The following SLC19A3 variants were observed in gnomAD, a reference collection of about 807,000 sequenced individuals.
The protein encoded by SLC19A3 is thiamine transporter 2.
SLC19A3 carries 31 observed loss-of-function variants against 40.2 expected under a neutral mutation model. That is an observed-to-expected ratio of 0.77 (90% CI 0.58 to 1.04). The LOEUF (loss-of-function observed/expected upper bound fraction) is 1.04, where lower values mean the gene tolerates loss of function less well. SLC19A3 is among the 50% of genes least tolerant of loss of function. The pLI is 0.00. For synonymous variants in SLC19A3, 212 were observed against 227.5 expected, an observed-to-expected ratio of 0.93 and a Z score of 0.61; for missense variants, 592 against 596.7, an observed-to-expected ratio of 0.99 and a Z score of 0.08.
rs1695764967 is a variant in SLC19A3 at position 227,703,023 on chromosome 2, C to T, written c.-2-703G>A. The T allele has an allele frequency of 6.6e-6, 1 of 152,506 alleles. No homozygotes were observed. Among genetic ancestry groups the T allele is most frequent in the Admixed American group, 6.5e-5 (1 of 15,296 alleles). 9.4% of individuals were successfully genotyped at this position (152,506 alleles called of 1,614,324 possible). On this transcript the variant is annotated intron_variant, in intron 1 of 5. Coordinates refer to ENST00000644224, the MANE Select transcript of SLC19A3 (RefSeq NM_025243.4). The surrounding 1 kb of genome is among the most constrained non-coding windows in gnomAD (Gnocchi z 4.7). ...ATATGGAAGATCCAAGATGCCCAAACACTGGCTTCAAACCACATGATCAAG... is the reference window on the plus strand; with the variant it reads ...ATATGGAAGATCCAAGATGCCCAAATACTGGCTTCAAACCACATGATCAAG...
chr2:227,713,159 C>CT, intron 1 of SLC19A3, among the ~76,000 whole-genome samples: 2 of 152,164 alleles, frequency 1.3e-5, no homozygotes, highest in Middle Eastern at 6.8e-3. Context: ...AATCCCAGCA[C>CT]TTTGAGAGGC....
At chr2:227,692,810 ACT>A (rs1353416700) in intron 4 of SLC19A3, among the ~76,000 whole-genome samples, 1 of 152,134 alleles carries the variant, frequency 6.6e-6, no homozygotes, top group Non-Finnish European at 1.5e-5. Flanking sequence ...AAACTTAAAG[ACT>A]CTTACCAATA....
intron 4 of SLC19A3, among the ~76,000 whole-genome samples, chr2:227,690,814 A>G (rs1695198690): frequency 6.6e-6 from 1 of 151,936 alleles, no homozygotes; most frequent in South Asian, 2.1e-4. Flanking sequence ...AATCCAATAC[A>G]GTAATAGTTG....
In SLC19A3 at chr2:227,699,195, C is replaced by T. The variant is rs59736804; in HGVS notation, c.520G>A (p.Val174Ile). Residue 174 changes from valine (V) to isoleucine (I), a missense_variant, in exon 3 of 6, where the codon GTC becomes ATC. Val to Ile is a conservative substitution (Grantham distance 29, BLOSUM62 3). Coordinates refer to ENST00000644224, the MANE Select transcript of SLC19A3 (RefSeq NM_025243.4). ...ACGGAGACAGAGGCCAAGGATATGACGTTGAGGTAAAAGTACGACATGTTC... is the reference window on the plus strand; with the variant it reads ...ACGGAGACAGAGGCCAAGGATATGATGTTGAGGTAAAAGTACGACATGTTC... Reference protein sequence around the residue: ...LANMSYFYLNVISLASVSVAF... With the variant: ...LANMSYFYLNIISLASVSVAF... The T allele has an allele frequency of 5.6e-3, 8,999 of 1,614,040 alleles. 450 individuals carry two copies. In the African/African-American group the frequency reaches 0.11, roughly 19 times the overall value.
chr2:227,691,603 C>A (rs1392579952), intron 4 of SLC19A3, among the ~76,000 whole-genome samples: 1 of 151,750 alleles, frequency 6.6e-6, no homozygotes, highest in Non-Finnish European at 1.5e-5. Context: ...CATAGTAAGA[C>A]CCTGTCTCTT....
In SLC19A3 at chr2:227,713,802, AAAAC is replaced by A. The variant is rs1696231897; in HGVS notation, c.-3+4137_-3+4140del. 3.9e-5 allele frequency among the ~76,000 whole-genome samples: 6 copies of A among 152,182 alleles called. No homozygotes were observed. The South Asian group carries it at 1.2e-3, about 32-fold the overall frequency. ...ACTTCAACAAAGATGATTTGAAAAAAAAACAACAAAACAAATCACTGATACACGG... is the reference window on the plus strand; with the variant it reads ...ACTTCAACAAAGATGATTTGAAAAAAAACAAAACAAATCACTGATACACGG... On this transcript the variant is annotated intron_variant, in intron 1 of 5. Transcript: ENST00000644224.
intron 1 of SLC19A3, among the ~76,000 whole-genome samples, chr2:227,711,422 A>AAAAATAAAAT (rs10634783): frequency 0.018 from 2,575 of 143,710 alleles, 38 homozygotes; most frequent in Middle Eastern, 0.043. Context: ...TCTGTCTCAA[A>AAAAATAAAAT]AAAATAAAAT....
intron 4 of SLC19A3, among the ~76,000 whole-genome samples, chr2:227,694,470 T>C (rs2106324688): frequency 6.6e-6 from 1 of 152,334 alleles, no homozygotes; most frequent in South Asian, 2.1e-4. Context: ...GATGATTTTT[T>C]CCCAGAGTGC....
rs1353654296 is a variant in SLC19A3, at chr2:227,686,138, A to T, written c.*1259T>A. On this transcript the variant is annotated 3_prime_UTR_variant, in exon 6 of 6. Transcript: ENST00000644224. ...CTTGAACTCAGGAGGTGAAGTTTGC[A>T]GTGAGCCAAGATCACGCCATTGCAT... 6.7e-6 allele frequency: 3 copies of T among 449,198 alleles called. No homozygotes were observed. The highest frequency in any genetic ancestry group is 4.0e-5 in the African/African-American group (2 of 49,718). 27.8% of individuals were successfully genotyped at this position (449,198 alleles called of 1,614,324 possible). A position where few individuals can be genotyped will look rare whatever the true frequency, so the allele number is the denominator to read the frequency against.
At chr2:227,696,328 G>A (rs922519148) in intron 3 of SLC19A3, among the ~76,000 whole-genome samples, 1 of 151,986 alleles carries the variant, frequency 6.6e-6, no homozygotes, top group Non-Finnish European at 1.5e-5. Context: ...TCAACTACAC[G>A]CCAGACACTG....
In SLC19A3 at chr2:227,687,427, C is replaced by T. The variant is rs750094260; in HGVS notation, c.1461G>A (p.Glu487=). ...GTTTTGTTGACATGATGATATTACTCTCTTCCTCTGGGTGAGACACATCTG... is the reference window on the plus strand; with the variant it reads ...GTTTTGTTGACATGATGATATTACTTTCTTCCTCTGGGTGAGACACATCTG... ...ENPDVSHPEE[E]SNIIMSTKL is the part of the protein sequence containing the mutation. The change falls in exon 6 of 6, where the codon GAG becomes GAA. Residue 487 remains glutamate (E), a synonymous_variant. Coordinates refer to ENST00000644224, the MANE Select transcript of SLC19A3 (RefSeq NM_025243.4). The T allele has an allele frequency of 5.0e-6, 8 of 1,613,352 alleles. No homozygotes were observed. In the Middle Eastern group the frequency reaches 6.6e-4, roughly 133 times the overall value.
intron 4 of SLC19A3, 82 bp from the exon 5 acceptor site, chr2:227,688,389 G>A: frequency 1.5e-6 from 2 of 1,342,938 alleles, no homozygotes; most frequent in Non-Finnish European, 2.1e-6. Context: ...TTGGCCACAG[G>A]GGTATTTGTG....
At chr2:227,691,711 A>G (rs1695238201) in intron 4 of SLC19A3, among the ~76,000 whole-genome samples, 1 of 152,232 alleles carries the variant, frequency 6.6e-6, no homozygotes, top group Non-Finnish European at 1.5e-5. Context: ...CAAAATTAGT[A>G]GAAGAAAGGA....
At chr2:227,690,147 C>A (rs1040778699) in intron 4 of SLC19A3, among the ~76,000 whole-genome samples, 2 of 152,106 alleles carry the variant, frequency 1.3e-5, no homozygotes, top group Non-Finnish European at 1.5e-5. Context: ...ACTTATCAAT[C>A]TAAACTCTTC....
Position 227,688,207 on chromosome 2 carries a change from C to A in SLC19A3, c.1273G>T (p.Val425Leu). Residue 425 changes from valine (V) to leucine (L), a missense_variant, in exon 5 of 6, where the codon GTA (valine) becomes TTA (leucine). Val to Leu is a conservative substitution (Grantham distance 32). Transcript: ENST00000644224. ...AAGTTGAGCCCTCTCTGATCTACTA[C>A]AATCACAGTCATGATGGTCTGAATC... is the stretch of plus-strand genomic sequence containing the variant. Reference protein sequence around the residue: ...LVIQTIMTVIVVDQRGLNLPV... With the variant: ...LVIQTIMTVILVDQRGLNLPV... 1 of 1,614,084 alleles carries A rather than the reference C, an allele frequency of 6.2e-7. No individual in the cohort carries two copies. The highest frequency in any genetic ancestry group is 8.5e-7 in the Non-Finnish European group (1 of 1,179,978).
chr2:227,691,524 A>G (rs1695229278), intron 4 of SLC19A3, among the ~76,000 whole-genome samples: 1 of 152,124 alleles, frequency 6.6e-6, no homozygotes. Context: ...CAGGAGGATC[A>G]CTTGAGCCCA....
intron 1 of SLC19A3, among the ~76,000 whole-genome samples, chr2:227,709,882 C>T (rs1696080413): frequency 6.6e-6 from 1 of 152,138 alleles, no homozygotes; most frequent in Non-Finnish European, 1.5e-5. Context: ...TGGTACCCAA[C>T]CTTCCTGGCA....
At position 227,703,990 on chromosome 2, in the gene SLC19A3, C is replaced by T. The variant is rs201703929; in HGVS notation, c.-2-1670G>A. Among the ~76,000 whole-genome samples the T allele has an allele frequency of 1.4e-5, 2 of 142,962 alleles. No homozygotes were observed. Among genetic ancestry groups the T allele is most frequent in the Admixed American group, 7.1e-5 (1 of 14,128 alleles). 93.8% of individuals were successfully genotyped at this position (142,962 alleles called of 152,430 possible). On this transcript the variant is annotated intron_variant, in intron 1 of 5. Coordinates refer to ENST00000644224, the MANE Select transcript of SLC19A3 (RefSeq NM_025243.4). The surrounding 1 kb of genome is among the most constrained non-coding windows in gnomAD (Gnocchi z 4.7). ...GTTGGGATGGTCAAGCAGAAAAAAA[C>T]CTATAATAAGACATGCCCTACTAAA...
chr2:227,717,390 C>A (rs1696370486), intron 1 of SLC19A3, among the ~76,000 whole-genome samples: 1 of 152,140 alleles, frequency 6.6e-6, no homozygotes, highest in Non-Finnish European at 1.5e-5. Context: ...TTTGCGGCAG[C>A]GACATTGATT....
Sources: gnomAD v4.1 joint callset for allele counts (sites outside exome capture counted in the v4.1 genomes callset) on GRCh38, gnomAD v4.1.1 for gene constraint, Gnocchi (gnomAD v3.1) non-coding constraint, MANE v1.5 for transcripts, NCBI Gene and HGNC (gene_info 2026-07-23, HGNC 2026-07-21) for gene names.